Variants in FBXO4 observed in about 807,000 individuals in gnomAD.
The protein encoded by FBXO4 is F-box only protein 4.
A neutral mutation model predicts 43.7 loss-of-function variants in FBXO4; 36 were observed. The observed-to-expected ratio is 0.82, with a 90% confidence interval of 0.63 to 1.09. FBXO4 has a LOEUF of 1.09. Among genes scored for constraint, FBXO4 ranks in the 50% least tolerant of loss-of-function variants. FBXO4 has a pLI of 0.00. For synonymous variants in FBXO4, 180 were observed against 165.6 expected, an observed-to-expected ratio of 1.09 and a Z score of -0.67; for missense variants, 435 against 474.1, an observed-to-expected ratio of 0.92 and a Z score of 0.77.
chr5:41,987,953 C>T, the FBXO4 span, among the ~76,000 whole-genome samples: 3 of 152,130 alleles, frequency 2.0e-5, no homozygotes, highest in Non-Finnish European at 4.4e-5. Flanking sequence ...TTGATAATGC[C>T]AATGGCCCTG....
At chr5:42,009,895 C>T in the FBXO4 span, among the ~76,000 whole-genome samples, 1 of 152,172 alleles carries the variant, frequency 6.6e-6, no homozygotes, top group South Asian at 2.1e-4. Context: ...TCTTCCCAAA[C>T]TAAAACTCTA....
At chr5:41,940,418 C>T in intron 6 of FBXO4, among the ~76,000 whole-genome samples, 1 of 151,930 alleles carries the variant, frequency 6.6e-6, no homozygotes, top group South Asian at 2.1e-4. Context: ...TGTGCCACCA[C>T]ACCTGGCTAA....
the FBXO4 span, among the ~76,000 whole-genome samples, chr5:42,039,654 C>A: frequency 6.6e-6 from 1 of 152,014 alleles, no homozygotes; most frequent in Non-Finnish European, 1.5e-5. Context: ...TGTGGGCACA[C>A]CTGTGACTTG....
At chr5:42,035,359 G>C in the FBXO4 span, among the ~76,000 whole-genome samples, 1 of 152,080 alleles carries the variant, frequency 6.6e-6, no homozygotes, top group African/African-American at 2.4e-5. Context: ...CCAATAGTAT[G>C]TTGTATAGGA....
At chr5:41,942,664 C>A (rs78110742), downstream of FBXO4, among the ~76,000 whole-genome samples, 746 of 151,848 alleles carry the variant, frequency 4.9e-3, 7 homozygotes, top group African/African-American at 0.017. Flanking sequence ...TTTTTTTCCT[C>A]CTCTATACAC....
At chr5:42,030,696 G>A in the FBXO4 span, among the ~76,000 whole-genome samples, 4 of 151,538 alleles carry the variant, frequency 2.6e-5, no homozygotes, top group East Asian at 1.9e-4. Flanking sequence ...GAAAATTTTC[G>A]CAACCTACTC....
the FBXO4 span, among the ~76,000 whole-genome samples, chr5:42,008,957 G>A: frequency 2.0e-4 from 30 of 152,076 alleles, no homozygotes; most frequent in Non-Finnish European, 3.8e-4. Flanking sequence ...CTCTTTTCTA[G>A]AGAGATACAA....
chr5:42,026,930 A>G, the FBXO4 span, among the ~76,000 whole-genome samples: 6 of 151,688 alleles, frequency 4.0e-5, no homozygotes, highest in Admixed American at 1.3e-4. Flanking sequence ...TTTCTAATGT[A>G]TTTTTCAATT....
chr5:41,948,888 G>A, the FBXO4 span, among the ~76,000 whole-genome samples: 1 of 152,074 alleles, frequency 6.6e-6, no homozygotes, highest in Non-Finnish European at 1.5e-5. Flanking sequence ...CTTCATCCTG[G>A]GGTTGCAAGG....
At chr5:42,016,957 T>A in the FBXO4 span, among the ~76,000 whole-genome samples, 3 of 152,108 alleles carry the variant, frequency 2.0e-5, no homozygotes, top group African/African-American at 7.2e-5. Context: ...AAAAGTATTC[T>A]AACTGTTAAA....
At chr5:41,975,166 C>T in the FBXO4 span, among the ~76,000 whole-genome samples, 11 of 152,162 alleles carry the variant, frequency 7.2e-5, no homozygotes, top group Non-Finnish European at 1.5e-4. Flanking sequence ...CTCTCACTAG[C>T]CCACACTTAG....
chr5:41,940,348 G>A (rs1192288952), intron 6 of FBXO4, among the ~76,000 whole-genome samples: 2 of 152,012 alleles, frequency 1.3e-5, no homozygotes, highest in African/African-American at 4.8e-5. Context: ...TCCAACCTCT[G>A]CCTCCTGGGT....
the FBXO4 span, among the ~76,000 whole-genome samples, chr5:42,019,694 CA>C: frequency 9.9e-4 from 80 of 81,120 alleles, no homozygotes; most frequent in Middle Eastern, 0.014. Flanking sequence ...GACTCCGTCT[CA>C]AAAAAAAAAA....
At chr5:41,926,216 C>T (rs1389606318) in intron 1 of FBXO4, among the ~76,000 whole-genome samples, 2 of 152,194 alleles carry the variant, frequency 1.3e-5, no homozygotes, top group African/African-American at 2.4e-5. Context: ...TTTAGAATGC[C>T]TCCAAGTTTC....
the FBXO4 span, among the ~76,000 whole-genome samples, chr5:42,021,773 T>C: frequency 2.0e-5 from 3 of 152,166 alleles, no homozygotes; most frequent in Non-Finnish European, 4.4e-5. Flanking sequence ...TGGTATTGTG[T>C]AATTTTTTAA....
chr5:42,032,616 C>T, the FBXO4 span, among the ~76,000 whole-genome samples: 165 of 152,244 alleles, frequency 1.1e-3, no homozygotes, highest in African/African-American at 3.6e-3. Flanking sequence ...GTGAGACTCA[C>T]GCTTCAGGAC....
chr5:41,947,616 A>T, the FBXO4 span, among the ~76,000 whole-genome samples: 1 of 152,220 alleles, frequency 6.6e-6, no homozygotes, highest in African/African-American at 2.4e-5. Context: ...TCAGCCTAGT[A>T]TAGGCTAGAA....
At chr5:41,940,773 T>C (rs1029975727) in intron 6 of FBXO4, among the ~76,000 whole-genome samples, 1 of 152,214 alleles carries the variant, frequency 6.6e-6, no homozygotes, top group Non-Finnish European at 1.5e-5. Context: ...CCCTTCTGAA[T>C]GGTGGCAATT....
intron 6 of FBXO4, 104 bp from the exon 7 acceptor site, chr5:41,941,088 T>A (rs1393809182): frequency 1.2e-6 from 1 of 812,456 alleles, no homozygotes; most frequent in Admixed American, 2.5e-5. Context: ...TTGGGATTTT[T>A]AAAAGTTCTG....
Sources: allele counts gnomAD v4.1 joint callset (sites outside exome capture counted in the v4.1 genomes callset), GRCh38; gene constraint gnomAD v4.1.1; transcripts MANE v1.5; gene names NCBI Gene and HGNC (gene_info 2026-07-23, HGNC 2026-07-21).